The following SPIDR variants were observed in gnomAD, a reference collection of about 807,000 sequenced individuals.
SPIDR encodes the protein DNA repair-scaffolding protein.
Under a neutral mutation model 104.6 loss-of-function variants are expected in SPIDR, and 93 were observed. That is an observed-to-expected ratio of 0.89 (90% CI 0.75 to 1.06). The LOEUF is 1.06. SPIDR is among the 50% of genes least tolerant of loss of function. The pLI is 0.00. For missense variants in SPIDR, 1,154 were observed against 1,111.2 expected (o/e 1.04, Z -0.55); for synonymous variants, 431 against 416.9 (o/e 1.03, Z -0.41).
At chr8:47,486,045 A>G (rs1224607772) in intron 8 of SPIDR, among the ~76,000 whole-genome samples, 1 of 152,226 alleles carries the variant, frequency 6.6e-6, no homozygotes, top group East Asian at 1.9e-4. Context: ...TCAGATGATC[A>G]AACTTCTCTG....
chr8:47,411,055 A>G (rs534708349), intron 7 of SPIDR, among the ~76,000 whole-genome samples: 83 of 152,256 alleles, frequency 5.5e-4, no homozygotes, highest in African/African-American at 1.8e-3. Flanking sequence ...AATCCAGTCT[A>G]TCATTATTGG....
intron 8 of SPIDR, among the ~76,000 whole-genome samples, chr8:47,485,720 C>T (rs898906471): frequency 7.9e-5 from 12 of 152,182 alleles, no homozygotes; most frequent in South Asian, 2.1e-4. Flanking sequence ...CTGCAGCCTC[C>T]GCTGCTGATA....
chr8:47,684,575 A>C (rs971164665), intron 11 of SPIDR, among the ~76,000 whole-genome samples: 1 of 152,240 alleles, frequency 6.6e-6, no homozygotes, highest in Non-Finnish European at 1.5e-5. Flanking sequence ...GGAGGATTTA[A>C]TGAGATCACA....
intron 8 of SPIDR, among the ~76,000 whole-genome samples, chr8:47,464,950 G>C (rs1554716086): frequency 6.6e-6 from 1 of 152,036 alleles, no homozygotes; most frequent in Non-Finnish European, 1.5e-5. Flanking sequence ...TGTATTTTTA[G>C]ATGACGTTTC....
chr8:47,308,538 C>T (rs1203236825), intron 5 of SPIDR, among the ~76,000 whole-genome samples: 1 of 150,840 alleles, frequency 6.6e-6, no homozygotes, highest in Non-Finnish European at 1.5e-5. Context: ...CCCTTATATA[C>T]AGTTGCTTTC....
intron 8 of SPIDR, among the ~76,000 whole-genome samples, chr8:47,465,980 T>G (rs2074710693): frequency 6.6e-6 from 1 of 152,098 alleles, no homozygotes; most frequent in Non-Finnish European, 1.5e-5. Flanking sequence ...ATAACTCCCC[T>G]AAATATATAT....
intron 7 of SPIDR, among the ~76,000 whole-genome samples, chr8:47,414,286 C>G (rs1348649769): frequency 6.6e-6 from 1 of 152,172 alleles, no homozygotes; most frequent in Non-Finnish European, 1.5e-5. Flanking sequence ...AGAGTGTCTT[C>G]TGCTTCTCTG....
At chr8:47,726,189 C>G (rs202127397) in intron 16 of SPIDR, among the ~76,000 whole-genome samples, 2 of 152,348 alleles carry the variant, frequency 1.3e-5, no homozygotes, top group East Asian at 3.9e-4. Flanking sequence ...CTAGGGCAGC[C>G]TTTTCAAAAT....
chr8:47,729,581 G>A, intron 19 of SPIDR, 116 bp downstream of exon 19: 4 of 1,205,154 alleles, frequency 3.3e-6, no homozygotes, highest in Non-Finnish European at 4.6e-6. Flanking sequence ...ATCCCACTAG[G>A]AAGTGGTGTA....
At chr8:47,443,654 T>A (rs1357024994) in intron 8 of SPIDR, among the ~76,000 whole-genome samples, 3 of 151,496 alleles carry the variant, frequency 2.0e-5, no homozygotes, top group African/African-American at 4.8e-5. Context: ...TTTTTTTTTT[T>A]ATGGAAACTT....
intron 10 of SPIDR, among the ~76,000 whole-genome samples, chr8:47,620,514 C>T (rs1364649243): frequency 2.0e-5 from 3 of 151,926 alleles, no homozygotes; most frequent in Non-Finnish European, 2.9e-5. Context: ...GTGATCCACC[C>T]GCCTCAGCCT....
chr8:47,427,479 C>A (rs1174991780), intron 7 of SPIDR, among the ~76,000 whole-genome samples: 2 of 152,094 alleles, frequency 1.3e-5, no homozygotes, highest in Non-Finnish European at 2.9e-5. Context: ...AATTCAATAA[C>A]AAGACTGGTT....
intron 2 of SPIDR, among the ~76,000 whole-genome samples, chr8:47,283,071 G>A (rs1376657695): frequency 6.6e-6 from 1 of 152,078 alleles, no homozygotes; most frequent in African/African-American, 2.4e-5. Flanking sequence ...GGTCAGGCTG[G>A]TCTCGAACTC....
chr8:47,576,812 A>G (rs2154409160), intron 8 of SPIDR, among the ~76,000 whole-genome samples: 1 of 152,336 alleles, frequency 6.6e-6, no homozygotes, highest in East Asian at 1.9e-4. Context: ...CTCTAATATA[A>G]ATATCGTTAT....
intron 1 of SPIDR, among the ~76,000 whole-genome samples, chr8:47,269,582 AAAAG>A (rs1262484127): frequency 2.6e-5 from 4 of 151,980 alleles, no homozygotes; most frequent in African/African-American, 4.8e-5. Context: ...AAAAAAAAAA[AAAAG>A]AAAGAAAACA....
chr8:47,298,467 G>A (rs1021713498), intron 5 of SPIDR, among the ~76,000 whole-genome samples: 6 of 152,042 alleles, frequency 3.9e-5, no homozygotes, highest in African/African-American at 9.7e-5. Context: ...ATTAGATGGC[G>A]TTTGTCAATT....
rs553590064 is a variant in SPIDR, at chr8:47,331,698, T to A, written c.525+37668T>A. Among the ~76,000 whole-genome samples the A allele has an allele frequency of 5.3e-5, 8 of 152,224 alleles. No individual in the cohort carries two copies. In the East Asian group the frequency reaches 1.5e-3, roughly 29 times the overall value. On this transcript the variant is annotated intron_variant, in intron 5 of 19. Coordinates refer to ENST00000297423, the MANE Select transcript of SPIDR (RefSeq NM_001080394.4). ...ACTACACTAAACTTATTTTTAAAAA[T>A]TTTCTTTCTTCAATAATAAATTAAT...
At chr8:47,614,442 T>C (rs2064006828) in intron 10 of SPIDR, among the ~76,000 whole-genome samples, 1 of 152,140 alleles carries the variant, frequency 6.6e-6, no homozygotes, top group Non-Finnish European at 1.5e-5. Context: ...CAGGATGGTC[T>C]TGATCTCCTG....
chr8:47,325,300 A>G (rs1010938818), intron 5 of SPIDR, among the ~76,000 whole-genome samples: 1 of 152,170 alleles, frequency 6.6e-6, no homozygotes, highest in Non-Finnish European at 1.5e-5. Flanking sequence ...CTTGATTTGG[A>G]AAGCATTTGC....
Sources: gnomAD v4.1 joint callset for allele counts (sites outside exome capture counted in the v4.1 genomes callset) on GRCh38, gnomAD v4.1.1 for gene constraint, MANE v1.5 for transcripts, NCBI Gene and HGNC (gene_info 2026-07-23, HGNC 2026-07-21) for gene names.